VWF: variants seen among roughly 807,000 people sequenced by gnomAD.
The protein encoded by VWF is von Willebrand factor, also known as Factor VIII related antigen.
VWF carries 176 observed loss-of-function variants against 308.6 expected under a neutral mutation model. That is an observed-to-expected ratio of 0.57 (90% CI 0.50 to 0.65). The LOEUF (loss-of-function observed/expected upper bound fraction) is 0.65, where lower values mean the gene tolerates loss of function less well. VWF is among the 30% of genes least tolerant of loss of function. The probability of loss-of-function intolerance (pLI) is 0.00; values close to 1 mark genes in which losing one functional copy is unlikely to be tolerated. For synonymous variants in VWF, 1,385 were observed against 1,443.4 expected (o/e 0.96, Z 0.92); for missense variants, 3,146 against 3,648.2 (o/e 0.86, Z 3.55).
intron 6 of VWF, among the ~76,000 whole-genome samples, chr12:6,079,114 C>T (rs1287352319): frequency 6.6e-6 from 1 of 152,216 alleles, no homozygotes; most frequent in Non-Finnish European, 1.5e-5. Context: ...TTCAGTCTTC[C>T]TCTGGTCAGG....
chr12:6,036,327 G>C, intron 19 of VWF, 61 bp downstream of exon 19: 4 of 1,509,484 alleles, frequency 2.6e-6, no homozygotes, highest in Non-Finnish European at 3.7e-6. Flanking sequence ...CTGTGGCCGC[G>C]TGCACCCTCA....
chr12:6,010,052 TACA>T (rs1274325992), intron 34 of VWF, among the ~76,000 whole-genome samples: 2 of 152,210 alleles, frequency 1.3e-5, no homozygotes, highest in Non-Finnish European at 2.9e-5. Context: ...AGATCTGCTG[TACA>T]ACAACTTGCA....
intron 5 of VWF, among the ~76,000 whole-genome samples, chr12:6,107,848 C>T (rs1476749825): frequency 1.3e-5 from 2 of 152,016 alleles, no homozygotes; most frequent in East Asian, 3.9e-4. Context: ...TTAGTAGAGA[C>T]GGGGTTTCAC....
chr12:6,057,844 C>A lies in VWF; in HGVS notation c.1729+5G>T. 6.2e-7 allele frequency: 1 copy of A among 1,602,264 alleles called. No individual in the cohort carries two copies. Among genetic ancestry groups the A allele is most frequent in the Non-Finnish European group, 8.5e-7 (1 of 1,173,772 alleles). ...GGTCCCTGCCTTGCCCCCGGGTTCA[C>A]ATACTCATGCGCGGGTTGAGGGCGC... On this transcript the variant is annotated splice_donor_5th_base_variant and intron_variant, in intron 14 of 51. Transcript: ENST00000261405.
chr12:6,009,568 G>T lies in VWF; in HGVS notation c.5842+2049C>A, dbSNP rs187694393. On this transcript the variant is annotated intron_variant, in intron 34 of 51. Transcript: ENST00000261405. Reference sequence around the variant, plus strand: ...CGCGACTACAGAAAACAGTAAGAAGGTTCCTCAAAAAATTAAAACTAGTAT... The same window carrying T: ...CGCGACTACAGAAAACAGTAAGAAGTTTCCTCAAAAAATTAAAACTAGTAT... Among the ~76,000 whole-genome samples, 6 of 152,126 alleles carry T rather than the reference G, an allele frequency of 3.9e-5. No individual in the cohort carries two copies. In the East Asian group the frequency reaches 7.7e-4, roughly 20 times the overall value.
In VWF at chr12:6,057,920, C is replaced by CA. The variant is rs267607307; in HGVS notation, c.1657dup (p.Trp553LeufsTer97). 43 of 1,613,538 alleles carry CA rather than the reference C, an allele frequency of 2.7e-5. No individual in the cohort carries two copies. Among genetic ancestry groups the CA allele is most frequent in the Non-Finnish European group, 3.6e-5 (43 of 1,179,978 alleles). On this transcript the variant is annotated frameshift_variant, in exon 14 of 52. Transcript: ENST00000261405. LOFTEE classifies it high-confidence loss of function. ...GTCCTGGCAGTCCCCGTGCAGCTTCCAGGCGTTCCCGAAGTCCTCCACCCG... is the reference window on the plus strand; with the variant it reads ...GTCCTGGCAGTCCCCGTGCAGCTTCCAAGGCGTTCCCGAAGTCCTCCACCCG...
At chr12:5,973,242 T>C (rs143889440) in intron 43 of VWF, among the ~76,000 whole-genome samples, 73 of 152,356 alleles carry the variant, frequency 4.8e-4, no homozygotes, top group Non-Finnish European at 7.8e-4. Flanking sequence ...CCCTCGCTTA[T>C]ATCGACATTT....
At chr12:6,044,247 A>G (rs763514588) in intron 18 of VWF, 44 bp downstream of exon 18, 2 of 1,611,594 alleles carry the variant, frequency 1.2e-6, no homozygotes, top group African/African-American at 2.7e-5. Context: ...CCTGCCTACA[A>G]GAAAACTGAA....
In VWF at chr12:6,064,402, A is replaced by G. The variant is rs771917976; in HGVS notation, c.1294-18T>C. The G allele has an allele frequency of 6.2e-7, 1 of 1,613,850 alleles. No individual in the cohort carries two copies. Among genetic ancestry groups the G allele is most frequent in the Non-Finnish European group, 8.5e-7 (1 of 1,180,012 alleles). On this transcript the variant is annotated intron_variant, in intron 11 of 51. Coordinates refer to ENST00000261405, the MANE Select transcript of VWF (RefSeq NM_000552.5). ...TCAGCACACTGCCAAGAGGGAACAC[A>G]GGGTGACTTTGCTGCACCCCCTGCC...
In VWF at chr12:5,953,471, A is replaced by G. The variant is rs370598371; in HGVS notation, c.7986+25T>C. On this transcript the variant is annotated intron_variant, in intron 48 of 51. Coordinates refer to ENST00000261405, the MANE Select transcript of VWF (RefSeq NM_000552.5). ...GAAGCAAGATGGTGATATGTGAGGGAGCCCTGCATTCAGCTTGCTCCTACC... is the reference window on the plus strand; with the variant it reads ...GAAGCAAGATGGTGATATGTGAGGGGGCCCTGCATTCAGCTTGCTCCTACC... 3.1e-6 allele frequency: 5 copies of G among 1,600,958 alleles called. No individual in the cohort carries two copies. In the African/African-American group the frequency reaches 5.4e-5, roughly 17 times the overall value.
intron 3 of VWF, among the ~76,000 whole-genome samples, chr12:6,117,010 C>T (rs895991151): frequency 1.3e-5 from 2 of 152,098 alleles, no homozygotes; most frequent in Non-Finnish European, 2.9e-5. Context: ...TGCCAGCCCA[C>T]CCCCCTCTAA....
At chr12:6,050,137 A>C (rs774978242) in intron 16 of VWF, among the ~76,000 whole-genome samples, 16 of 152,076 alleles carry the variant, frequency 1.1e-4, no homozygotes, top group Non-Finnish European at 1.5e-5. Flanking sequence ...GCCAAAACCA[A>C]AGCCATCACT....
rs535991479 is a variant in VWF at position 6,063,028 on chromosome 12, T to C, written c.1459A>G (p.Thr487Ala). 7 of 1,613,724 alleles carry C rather than the reference T, an allele frequency of 4.3e-6. No individual in the cohort carries two copies. In the African/African-American group the frequency reaches 8.0e-5, roughly 18 times the overall value. Residue 487 changes from threonine to alanine, a missense_variant, in exon 13 of 52, where the codon ACG becomes GCG. This residue lies in a region of VWF where 1,304 missense variants were observed against 1,353.0 expected (regional missense o/e 0.96). Coordinates refer to ENST00000261405, the MANE Select transcript of VWF (RefSeq NM_000552.5). The surrounding 1 kb of genome is among the most constrained non-coding windows in gnomAD (Gnocchi z 4.9). ...CCGTAGCTGAGGCGCACGGAGGCCG[T>C]CACTGTATGCTGGATGCGGAGGTCA... is the stretch of plus-strand genomic sequence containing the variant. ...KGDLRIQHTV[T>A]ASVRLSYGED...
chr12:6,077,764 C>T (rs973746068), intron 6 of VWF, among the ~76,000 whole-genome samples: 1 of 152,186 alleles, frequency 6.6e-6, no homozygotes, highest in African/African-American at 2.4e-5. Flanking sequence ...TTCCATTGGT[C>T]ACCCTGAGCA....
At chr12:6,103,543 TATAC>T (rs752145664) in intron 5 of VWF, among the ~76,000 whole-genome samples, 11 of 82,766 alleles carry the variant, frequency 1.3e-4, no homozygotes, top group Non-Finnish European at 2.1e-4. Flanking sequence ...CACATATATG[TATAC>T]ACACACACAC....
chr12:5,953,791 C>T (rs1166523915), intron 47 of VWF, 197 bp from the exon 48 acceptor site: 1 of 612,110 alleles, frequency 1.6e-6, no homozygotes, highest in East Asian at 2.9e-5. Flanking sequence ...TGCATGTGCA[C>T]ATCTCACTCA....
intron 16 of VWF, among the ~76,000 whole-genome samples, chr12:6,047,170 C>T (rs554548477): frequency 3.9e-5 from 6 of 152,146 alleles, no homozygotes; most frequent in South Asian, 4.1e-4. Context: ...CTTTCAATAT[C>T]GGCCTTCCCC....
chr12:6,098,774 C>CA (rs554618081), intron 5 of VWF, among the ~76,000 whole-genome samples: 36 of 144,480 alleles, frequency 2.5e-4, no homozygotes, highest in South Asian at 1.1e-3. Flanking sequence ...GACACCATCT[C>CA]AAAAAAAAAG....
At chr12:6,037,260 T>C (rs1334880293) in intron 18 of VWF, among the ~76,000 whole-genome samples, 1 of 152,200 alleles carries the variant, frequency 6.6e-6, no homozygotes, top group Non-Finnish European at 1.5e-5. Context: ...GAGCATGTAT[T>C]ATGTTTATAA....
Sources: allele counts gnomAD v4.1 joint callset (sites outside exome capture counted in the v4.1 genomes callset), GRCh38; gene constraint gnomAD v4.1.1; regional missense constraint gnomAD v4.1.1; non-coding constraint Gnocchi (gnomAD v3.1); transcripts MANE v1.5; gene names NCBI Gene and HGNC (gene_info 2026-07-23, HGNC 2026-07-21).